Variants in B4GALNT4 observed in about 807,000 individuals in gnomAD.
The protein encoded by B4GALNT4 is N-acetyl-beta-glucosaminyl-glycoprotein 4-beta-N-acetylgalactosaminyltransferase 1.
B4GALNT4 carries 77 observed loss-of-function variants against 110.0 expected under a neutral mutation model. That is an observed-to-expected ratio of 0.70 (90% CI 0.58 to 0.85). B4GALNT4 has a LOEUF of 0.85. Ranked by LOEUF, B4GALNT4 falls within the 40% of genes least tolerant of loss-of-function variation. The pLI is 0.00. For synonymous variants in B4GALNT4, 785 were observed against 655.5 expected, an observed-to-expected ratio of 1.20 and a Z score of -3.02; for missense variants, 1,575 against 1,506.0, an observed-to-expected ratio of 1.05 and a Z score of -0.76.
In B4GALNT4 at chr11:372,892, G is replaced by A. The variant is rs1846643947; in HGVS notation, c.389G>A (p.Cys130Tyr). 6.2e-7 allele frequency: 1 copy of A among 1,612,118 alleles called. No homozygotes were observed. The highest frequency in any genetic ancestry group is 1.3e-5 in the African/African-American group (1 of 74,844). Residue 130 changes from cysteine (C) to tyrosine (Y), a missense_variant, in exon 4 of 20, where the codon TGT becomes TAT. By Grantham distance (194) the Cys-to-Tyr change is radical. Coordinates refer to ENST00000329962, the MANE Select transcript of B4GALNT4 (RefSeq NM_178537.5). ...QVNLHVFEDW[C>Y]GGAVGHLRRN... ...AACCTGCACGTGTTTGAGGACTGGTGTGGGGGCGCCGTGGGCCACCTGAGG... is the reference window on the plus strand; with the variant it reads ...AACCTGCACGTGTTTGAGGACTGGTATGGGGGCGCCGTGGGCCACCTGAGG...
Position 376,473 on chromosome 11 carries a change from C to A in B4GALNT4, c.1350C>A (p.Thr450=), listed in dbSNP as rs375138819. 1 of 1,591,702 alleles carries A rather than the reference C, an allele frequency of 6.3e-7. No individual in the cohort carries two copies. The highest frequency in any genetic ancestry group is 8.5e-7 in the Non-Finnish European group (1 of 1,176,988). Residue 450 remains threonine (T), a synonymous_variant, in exon 14 of 20, where the codon ACC becomes ACA. Coordinates refer to ENST00000329962, the MANE Select transcript of B4GALNT4 (RefSeq NM_178537.5). ...AGCTGCTCGACAGCCTGGAGCCCAC[C>A]GAGGCGGCCCCGCCCAGGAGCGGCC... is the stretch of plus-strand genomic sequence containing the variant. ...EGELLDSLEP[T]EAAPPRSGPQ... is the part of the protein sequence containing the mutation.
At position 375,614 on chromosome 11, in the gene B4GALNT4, C is replaced by T. The variant is rs1007858105; in HGVS notation, c.851-25C>T. The T allele has an allele frequency of 5.0e-6, 8 of 1,593,002 alleles. No homozygotes were observed. The African/African-American group carries it at 8.0e-5, about 16-fold the overall frequency. ...AAGAGTGGAGGAGGGGGTCTGAGCA[C>T]TCCCTGGAACTCTTCTGCCCCCAGA... On this transcript the variant is annotated intron_variant, in intron 9 of 19. Transcript: ENST00000329962.
In B4GALNT4 at chr11:376,142, C is replaced by T. The variant is rs759443593; in HGVS notation, c.1164C>T (p.Cys388=). 2 of 1,558,566 alleles carry T rather than the reference C, an allele frequency of 1.3e-6. No homozygotes were observed. The highest frequency in any genetic ancestry group is 1.1e-5 in the South Asian group (1 of 90,044). ...RLTHMETDNK[C]FYRESPLYLE... is the part of the protein sequence containing the mutation. ...CCCACATGGAGACGGACAACAAGTG[C>T]TTCTACCGCGAGTCTCCGCTGTATC... Residue 388 remains cysteine (C), a synonymous_variant, in exon 12 of 20, where the codon TGC becomes TGT. Transcript: ENST00000329962.
rs751928274 is a variant in B4GALNT4, at chr11:372,839, C to T, written c.349-13C>T. 4 of 1,602,556 alleles carry T rather than the reference C, an allele frequency of 2.5e-6. No homozygotes were observed. The Admixed American group carries it at 6.8e-5, about 27-fold the overall frequency. On this transcript the variant is annotated splice_polypyrimidine_tract_variant and intron_variant, in intron 3 of 19. Coordinates refer to ENST00000329962, the MANE Select transcript of B4GALNT4 (RefSeq NM_178537.5). The stretch of plus-strand genomic sequence containing the variant: ...GGCGGGCCGTGCAGAAGGTAAGGCC[C>T]CCCCATCCCCAGTACAAGGGGCAGG...
In B4GALNT4 at chr11:375,858, G is replaced by A. The variant is rs1846735573; in HGVS notation, c.997G>A (p.Glu333Lys). 1 of 1,610,164 alleles carries A rather than the reference G, an allele frequency of 6.2e-7. No individual in the cohort carries two copies. Among genetic ancestry groups the A allele is most frequent in the Admixed American group, 1.7e-5 (1 of 59,826 alleles). ...CGCACCTCCTGCAGCTCCACGCATG[G>A]AATCTTCGAGCCTGGAGAACGTGCT... ...RDTFFLTPRM[E>K]SSSLENVLEP... is the part of the protein sequence containing the mutation. The change falls in exon 11 of 20, where the codon GAA (glutamate) becomes AAA (lysine). Residue 333 changes from glutamate to lysine, a missense_variant. By Grantham distance (56) the Glu-to-Lys change is moderately conservative. Coordinates refer to ENST00000329962, the MANE Select transcript of B4GALNT4 (RefSeq NM_178537.5).
rs1564870521 is a variant in B4GALNT4, at chr11:376,424, TC to T, written c.1303del (p.Leu435TrpfsTer60). The T allele has an allele frequency of 6.3e-7, 1 of 1,599,126 alleles. No homozygotes were observed. Among genetic ancestry groups the T allele is most frequent in the South Asian group, 1.1e-5 (1 of 90,910 alleles). On this transcript the variant is annotated frameshift_variant, in exon 14 of 20. Coordinates refer to ENST00000329962, the MANE Select transcript of B4GALNT4 (RefSeq NM_178537.5). LOFTEE classifies it high-confidence loss of function. ...TTCTAACCCGCGTTTCCCGCAGACT[TC>T]CTGGACGACGAGGACGAGGGGGAGC... ...RAFLFLNPDD[F>X]LDDEDEGELL...
In B4GALNT4 at chr11:376,882, C is replaced by A; in HGVS notation, c.1759C>A (p.Pro587Thr). ...RRTGGPQATQPRPPARAQATQ... is the reference protein window; with the variant it reads ...RRTGGPQATQTRPPARAQATQ... ...GACCGGCGGCCCCCAGGCCACACAG[C>A]CGAGGCCCCCAGCCCGGGCGCAGGC... is the stretch of plus-strand genomic sequence containing the variant. Residue 587 changes from proline (P) to threonine (T), a missense_variant, in exon 14 of 20, where the codon CCG (proline) becomes ACG (threonine). Transcript: ENST00000329962. 1 of 1,348,246 alleles carries A rather than the reference C, an allele frequency of 7.4e-7. No individual in the cohort carries two copies. The highest frequency in any genetic ancestry group is 9.5e-7 in the Non-Finnish European group (1 of 1,052,934). The allele number at this position is 1,348,246 out of a possible 1,614,324, so 83.5% of individuals were successfully genotyped here.
intron 1 of B4GALNT4, among the ~76,000 whole-genome samples, chr11:370,876 A>T (rs72847388): frequency 6.6e-6 from 1 of 151,978 alleles, no homozygotes; most frequent in African/African-American, 2.4e-5. Context: ...CTCTTCCTGT[A>T]CCGGGACGCC....
At chr11:379,730 G>A (rs1846832848) in intron 15 of B4GALNT4, 29 bp downstream of exon 15, 11 of 1,501,420 alleles carry the variant, frequency 7.3e-6, no homozygotes, top group Non-Finnish European at 8.9e-6. Context: ...GGGTGTCCGG[G>A]AGACCTCGTG....
In B4GALNT4 at chr11:376,638, G is replaced by A. The variant is rs767558658; in HGVS notation, c.1515G>A (p.Pro505=). 9 of 1,421,388 alleles carry A rather than the reference G, an allele frequency of 6.3e-6. No homozygotes were observed. In the Admixed American group the frequency reaches 1.6e-4, roughly 26 times the overall value. The allele number at this position is 1,421,388 out of a possible 1,614,324, so 88.0% of individuals were successfully genotyped here. Residue 505 remains proline (P), a synonymous_variant, in exon 14 of 20, where the codon CCG becomes CCA. Coordinates refer to ENST00000329962, the MANE Select transcript of B4GALNT4 (RefSeq NM_178537.5). ...CCGCCAGGGCCGCCCGCCCTTTGCCGCTCTTCTTGGGCCGAGCTCCGCCCC... is the reference window on the plus strand; with the variant it reads ...CCGCCAGGGCCGCCCGCCCTTTGCCACTCTTCTTGGGCCGAGCTCCGCCCC... ...SWAARAARPL[P]LFLGRAPPPR...
chr11:378,113 C>T (rs1448717577), intron 14 of B4GALNT4, among the ~76,000 whole-genome samples: 1 of 151,710 alleles, frequency 6.6e-6, no homozygotes, highest in Non-Finnish European at 1.5e-5. Context: ...GGAGACAGGG[C>T]CAGGACTGTT....
At chr11:379,379 C>A in intron 14 of B4GALNT4, 39 bp from the exon 15 acceptor site, 1 of 1,437,638 alleles carries the variant, frequency 7.0e-7, no homozygotes, top group South Asian at 1.4e-5. Context: ...GGGGTGCAGG[C>A]TGGAAGCCCC....
At chr11:373,325 C>T (rs754573444) in intron 6 of B4GALNT4, 34 bp downstream of exon 6, 11 of 1,591,502 alleles carry the variant, frequency 6.9e-6, no homozygotes, top group Non-Finnish European at 8.6e-6. Context: ...TCGTCCCGGG[C>T]CTCCTGCAGC....
intron 1 of B4GALNT4, among the ~76,000 whole-genome samples, chr11:371,137 C>T (rs530503573): frequency 2.6e-4 from 40 of 152,192 alleles, no homozygotes; most frequent in Non-Finnish European, 4.7e-4. Flanking sequence ...CATAGGGACC[C>T]CTCTTCCAAG....
intron 1 of B4GALNT4, among the ~76,000 whole-genome samples, chr11:370,731 G>A (rs1435785461): frequency 1.3e-5 from 2 of 152,136 alleles, no homozygotes; most frequent in African/African-American, 4.8e-5. Flanking sequence ...GGAGGTTAGT[G>A]CCATGCCCAG....
chr11:381,379 G>A (rs1321071346), intron 19 of B4GALNT4, among the ~76,000 whole-genome samples: 4 of 79,452 alleles, frequency 5.0e-5, no homozygotes, highest in Non-Finnish European at 7.5e-5. Flanking sequence ...CCCCGGCCCC[G>A]GGTTCCTGAC....
intron 19 of B4GALNT4, chr11:381,214 C>G: frequency 2.2e-6 from 2 of 894,766 alleles, no homozygotes; most frequent in Non-Finnish European, 2.7e-6. Flanking sequence ...CTGGGTGGCC[C>G]TGAGTCCCCA....
In B4GALNT4 at chr11:375,689, G is replaced by A; in HGVS notation, c.901G>A (p.Ala301Thr). ...DHVAHVPQSPASHVGGRPPQE... is the reference protein window; with the variant it reads ...DHVAHVPQSPTSHVGGRPPQE... ...CGTGGCGCACGTCCCCCAGTCTCCA[G>A]CCAGCCACGTGGGGGGGCGTCCGCC... Residue 301 changes from alanine to threonine, a missense_variant, in exon 10 of 20, where the codon GCC becomes ACC. By Grantham distance (58) the Ala-to-Thr change is moderately conservative. Coordinates refer to ENST00000329962, the MANE Select transcript of B4GALNT4 (RefSeq NM_178537.5). 6.3e-7 allele frequency: 1 copy of A among 1,594,338 alleles called. No homozygotes were observed.
At chr11:375,167 T>G (rs151292989) in intron 8 of B4GALNT4, among the ~76,000 whole-genome samples, 5 of 17,856 alleles carry the variant, frequency 2.8e-4, no homozygotes, top group Non-Finnish European at 4.5e-4. Flanking sequence ...GGGAGGGAGG[T>G]GGAAGGGAGG....
Sources: gnomAD v4.1 joint callset for allele counts (sites outside exome capture counted in the v4.1 genomes callset) on GRCh38, gnomAD v4.1.1 for gene constraint, MANE v1.5 for transcripts, NCBI Gene and HGNC (gene_info 2026-07-23, HGNC 2026-07-21) for gene names.